The following CRY1 variants were observed in gnomAD, a reference collection of about 807,000 sequenced individuals.
CRY1 encodes the protein cryptochrome-1.
A neutral mutation model predicts 76.0 loss-of-function variants in CRY1; 45 were observed. The observed-to-expected ratio is 0.59, with a 90% CI of 0.47 to 0.76. The LOEUF (loss-of-function observed/expected upper bound fraction) is 0.76. CRY1 is among the 30% of genes least tolerant of loss of function. CRY1 has a pLI of 0.00. For synonymous variants in CRY1, 248 were observed against 244.0 expected, an observed-to-expected ratio of 1.02 and a Z score of -0.15; for missense variants, 587 against 716.4, an observed-to-expected ratio of 0.82 and a Z score of 2.06.
intron 2 of CRY1, among the ~76,000 whole-genome samples, chr12:107,008,134 G>T (rs1182950197): frequency 1.3e-5 from 2 of 152,130 alleles, no homozygotes; most frequent in Non-Finnish European, 2.9e-5. Context: ...TAGAAGAGGA[G>T]AATATAACGT....
intron 1 of CRY1, among the ~76,000 whole-genome samples, chr12:107,063,760 G>A (rs1482025294): frequency 6.6e-6 from 1 of 152,114 alleles, no homozygotes; most frequent in Non-Finnish European, 1.5e-5. Context: ...ACCACGCCCA[G>A]CTAATTTTTG....
chr12:107,053,283 A>G (rs1276374332), intron 1 of CRY1, among the ~76,000 whole-genome samples: 2 of 152,198 alleles, frequency 1.3e-5, no homozygotes, highest in East Asian at 3.9e-4. Flanking sequence ...TGAAGAAAAT[A>G]AAAGAGTGCA....
At chr12:107,041,627 A>C (rs1017168) in intron 1 of CRY1, among the ~76,000 whole-genome samples, 107,463 of 152,030 alleles carry the variant, frequency 0.71, 38,729 homozygotes, top group East Asian at 0.97. Flanking sequence ...TGTATAAAAT[A>C]TACTTCTAGG....
At chr12:107,082,618 C>G (rs1953341294) in intron 1 of CRY1, among the ~76,000 whole-genome samples, 1 of 152,104 alleles carries the variant, frequency 6.6e-6, no homozygotes, top group South Asian at 2.1e-4. Flanking sequence ...GAAATTAAGG[C>G]AGAAGTAAGT....
chr12:107,020,181 A>G (rs1029322474), intron 2 of CRY1, among the ~76,000 whole-genome samples: 9 of 103,448 alleles, frequency 8.7e-5, no homozygotes, highest in African/African-American at 3.9e-4. Context: ...TGTCTTTCAT[A>G]CAAGCAAAAA....
chr12:107,068,732 A>G (rs1464451286), intron 1 of CRY1, among the ~76,000 whole-genome samples: 7 of 152,174 alleles, frequency 4.6e-5, no homozygotes, highest in Non-Finnish European at 8.8e-5. Context: ...CCTTGTACCC[A>G]TTAAGGAATC....
Position 107,093,145 on chromosome 12 carries a change from T to A in CRY1, c.-184A>T, listed in dbSNP as rs1593552594. On this transcript the variant is annotated 5_prime_UTR_variant, in exon 1 of 13. Transcript: ENST00000008527. ...GAAGGCGGGGGCGCCGGAGGCGCAG[T>A]GGAAAGATGAATGGAGGTTGCCTAG... 2 of 683,796 alleles carry A rather than the reference T, an allele frequency of 2.9e-6. No individual in the cohort carries two copies. The highest frequency in any genetic ancestry group is 4.6e-6 in the Non-Finnish European group (2 of 434,396). The allele number at this position is 683,796 out of a possible 1,614,324, so 42.4% of individuals were successfully genotyped here.
At chr12:106,996,176 T>C (rs1952231277) in intron 10 of CRY1, among the ~76,000 whole-genome samples, 1 of 152,210 alleles carries the variant, frequency 6.6e-6, no homozygotes, top group Non-Finnish European at 1.5e-5. Flanking sequence ...CATGTATCCA[T>C]GTGTTCTCAT....
At chr12:107,050,960 G>GT (rs1565836888) in intron 1 of CRY1, among the ~76,000 whole-genome samples, 1 of 152,152 alleles carries the variant, frequency 6.6e-6, no homozygotes, top group Non-Finnish European at 1.5e-5. Flanking sequence ...CAGGAAGTGA[G>GT]TATGAGAGCT....
intron 1 of CRY1, among the ~76,000 whole-genome samples, chr12:107,029,240 G>A (rs570411417): frequency 3.9e-5 from 6 of 152,148 alleles, no homozygotes; most frequent in African/African-American, 1.2e-4. Flanking sequence ...TCTGAGTACT[G>A]AAAGAAATCT....
At chr12:106,992,692 T>C in intron 12 of CRY1, 95 bp downstream of exon 12, 3 of 1,159,096 alleles carry the variant, frequency 2.6e-6, no homozygotes, top group Non-Finnish European at 2.5e-6. Flanking sequence ...ATTTTCTGGT[T>C]TGAAAATAGA....
At chr12:107,031,822 G>A (rs1952678506) in intron 1 of CRY1, among the ~76,000 whole-genome samples, 1 of 152,232 alleles carries the variant, frequency 6.6e-6, no homozygotes, top group Admixed American at 6.5e-5. Context: ...AGACAAAGGA[G>A]ACGTATGACT....
chr12:107,048,631 G>A (rs1483449146), intron 1 of CRY1, among the ~76,000 whole-genome samples: 1 of 152,056 alleles, frequency 6.6e-6, no homozygotes, highest in Non-Finnish European at 1.5e-5. Context: ...ATTATTTTGT[G>A]TTTGAATCTG....
chr12:107,061,767 C>T (rs1953050109), intron 1 of CRY1, among the ~76,000 whole-genome samples: 1 of 152,020 alleles, frequency 6.6e-6, no homozygotes, highest in Non-Finnish European at 1.5e-5. Context: ...ATTTTTCTTA[C>T]CATATCCACT....
In CRY1 at chr12:107,086,354, G is replaced by C. The variant is rs116449614; in HGVS notation, c.158+6450C>G. 7.0e-3 allele frequency among the ~76,000 whole-genome samples: 1,066 copies of C among 152,304 alleles called. 18 individuals are homozygous for C. Among genetic ancestry groups the C allele is most frequent in the African/African-American group, 0.024 (1,000 of 41,564 alleles). ...GAGAAATCCAAACTACCTAGCCCCA[G>C]GTACCAGGCCCTGACAGAACAGGTT... On this transcript the variant is annotated intron_variant, in intron 1 of 12. Transcript: ENST00000008527.
At chr12:107,072,963 T>C (rs976306542) in intron 1 of CRY1, 4 of 152,160 alleles carry the variant, frequency 2.6e-5, no homozygotes, top group Non-Finnish European at 4.4e-5. Context: ...ATCCAATAAG[T>C]AGTGTTGGAA....
chr12:107,060,811 T>C (rs904817244), intron 1 of CRY1, among the ~76,000 whole-genome samples: 1 of 152,060 alleles, frequency 6.6e-6, no homozygotes, highest in Non-Finnish European at 1.5e-5. Context: ...ACCCCGTCTC[T>C]ACTAAAAATA....
rs369645398 is a variant in CRY1, at chr12:107,090,320, G to A, written c.158+2484C>T. ...ATTGGCCAGGCTGGTCTCAAACTCC[G>A]GGCCTCAAGTGATCTGCCTGCCTCA... On this transcript the variant is annotated intron_variant, in intron 1 of 12. Coordinates refer to ENST00000008527, the MANE Select transcript of CRY1 (RefSeq NM_004075.5). 4.1e-4 allele frequency among the ~76,000 whole-genome samples: 63 copies of A among 151,988 alleles called. No homozygotes were observed. In the East Asian group the frequency reaches 0.01, roughly 24 times the overall value.
intron 7 of CRY1, 114 bp downstream of exon 7, chr12:106,999,437 C>T: frequency 1.1e-6 from 1 of 933,732 alleles, no homozygotes; most frequent in East Asian, 2.5e-5. Context: ...AATGTTTTAT[C>T]CACTGAAAAA....
Sources: allele counts gnomAD v4.1 joint callset (sites outside exome capture counted in the v4.1 genomes callset), GRCh38; gene constraint gnomAD v4.1.1; transcripts MANE v1.5; gene names NCBI Gene and HGNC (gene_info 2026-07-23, HGNC 2026-07-21).